CD101: variants seen among roughly 807,000 people sequenced by gnomAD.
CD101 encodes the protein immunoglobulin superfamily member 2.
Under a neutral mutation model 98.2 loss-of-function variants are expected in CD101, and 76 were observed. The ratio of observed to expected loss-of-function variants is 0.77; its 90% CI spans 0.64 to 0.94. The LOEUF (loss-of-function observed/expected upper bound fraction) is 0.94, where lower values mean the gene tolerates loss of function less well. CD101 is among the 40% of genes least tolerant of loss of function. The pLI is 0.00. For synonymous variants in CD101, 471 were observed against 472.7 expected (o/e 1.00, Z 0.05); for missense variants, 1,145 against 1,218.8 (o/e 0.94, Z 0.90).
rs1158933736 is a variant in CD101, at chr1:117,022,886, C to A, written c.2428+903C>A. On this transcript the variant is annotated intron_variant, in intron 7 of 9. Transcript: ENST00000682167. This position sits in a 1 kb window ranked among gnomAD's most constrained non-coding sequence, Gnocchi z 4.8. ...GGGGTCTCTTCCTGCCCTCTGGCTTCCCTTCTGTATGTTCTTCAAGCCCCT... is the reference window on the plus strand; with the variant it reads ...GGGGTCTCTTCCTGCCCTCTGGCTTACCTTCTGTATGTTCTTCAAGCCCCT... Among the ~76,000 whole-genome samples the A allele has an allele frequency of 6.6e-6, 1 of 152,170 alleles. No individual in the cohort carries two copies. The highest frequency in any genetic ancestry group is 1.5e-5 in the Non-Finnish European group (1 of 68,036).
rs1687603990 is a variant in CD101 at position 117,019,459 on chromosome 1, G to T, written c.2017+899G>T. ...GCTTAATTAATTTGTCCTCTCTGTGGTATTTGCAATTGCTGCCCCAATCTG... is the reference window on the plus strand; with the variant it reads ...GCTTAATTAATTTGTCCTCTCTGTGTTATTTGCAATTGCTGCCCCAATCTG... On this transcript the variant is annotated intron_variant, in intron 6 of 9. Transcript: ENST00000682167. The surrounding 1 kb of genome is among the most constrained non-coding windows in gnomAD (Gnocchi z 4.3). Among the ~76,000 whole-genome samples the T allele has an allele frequency of 2.0e-5, 3 of 152,140 alleles. No homozygotes were observed. Among genetic ancestry groups the T allele is most frequent in the East Asian group, 3.9e-4 (2 of 5,184 alleles).
chr1:117,030,308 G>A (rs760781832), intron 8 of CD101, among the ~76,000 whole-genome samples: 1 of 152,046 alleles, frequency 6.6e-6, no homozygotes, highest in Non-Finnish European at 1.5e-5. Context: ...CTTGAGTTTG[G>A]AGGTCAAGGC....
At position 117,018,544 on chromosome 1, in the gene CD101, A is replaced by G. The variant is rs747767182; in HGVS notation, c.2001A>G (p.Ile667Met). Residue 667 changes from isoleucine to methionine, a missense_variant, in exon 6 of 10, where the codon ATA becomes ATG. Ile to Met is a conservative substitution (Grantham distance 10, BLOSUM62 1). Transcript: ENST00000682167. The surrounding 1 kb of genome is among the most constrained non-coding windows in gnomAD (Gnocchi z 4.3). ...RASAISHPLR[I>M]AVTLPESKLK... ...CTGCCATCTCTCACCCACTGAGGATAGCCGTCACTTTACCAGGTAAGTGTG... is the reference window on the plus strand; with the variant it reads ...CTGCCATCTCTCACCCACTGAGGATGGCCGTCACTTTACCAGGTAAGTGTG... 10 of 1,592,670 alleles carry G rather than the reference A, an allele frequency of 6.3e-6. No homozygotes were observed. The highest frequency in any genetic ancestry group is 8.6e-6 in the Non-Finnish European group (10 of 1,167,170).
chr1:117,011,474 G>C (rs1652880563), intron 2 of CD101, 76 bp from the exon 3 acceptor site: 3 of 1,289,450 alleles, frequency 2.3e-6, no homozygotes, highest in South Asian at 1.4e-5. Flanking sequence ...ACATAGGGTA[G>C]CTCAGGGCGC....
intron 5 of CD101, 152 bp downstream of exon 5, chr1:117,017,625 A>G (rs1653320081): frequency 1.4e-6 from 1 of 739,896 alleles, no homozygotes; most frequent in South Asian, 2.1e-5. Flanking sequence ...CTGTCAATTA[A>G]TCTTTAAAGA....
rs762415594 is a variant in CD101, at chr1:117,019,634, C to T, written c.2017+1074C>T. 2.6e-5 allele frequency among the ~76,000 whole-genome samples: 4 copies of T among 152,172 alleles called. No individual in the cohort carries two copies. Among genetic ancestry groups the T allele is most frequent in the African/African-American group, 4.8e-5 (2 of 41,434 alleles). The stretch of plus-strand genomic sequence containing the variant: ...TCTATACGCTCTCCTGCAGTGGACT[C>T]GTCCCTACCCATGGATACAAGCTGT... On this transcript the variant is annotated intron_variant, in intron 6 of 9. Transcript: ENST00000682167. This position sits in a 1 kb window ranked among gnomAD's most constrained non-coding sequence, Gnocchi z 4.3.
At chr1:117,029,329 G>A (rs1023209656) in intron 8 of CD101, among the ~76,000 whole-genome samples, 10 of 152,104 alleles carry the variant, frequency 6.6e-5, no homozygotes, top group Non-Finnish European at 1.3e-4. Context: ...AAGAAAGAAA[G>A]AAGGAATGAA....
At position 117,005,813 on chromosome 1, in the gene CD101, T is replaced by A. The variant is rs1652492316; in HGVS notation, c.43+3953T>A. On this transcript the variant is annotated intron_variant, in intron 1 of 9. Transcript: ENST00000682167. This position sits in a 1 kb window ranked among gnomAD's most constrained non-coding sequence, Gnocchi z 4.4. ...TTTGGCATTTGCAGATCTATTAATATGTTCAAGTCTGGCTCAAATCCTAGG... is the reference window on the plus strand; with the variant it reads ...TTTGGCATTTGCAGATCTATTAATAAGTTCAAGTCTGGCTCAAATCCTAGG... Among the ~76,000 whole-genome samples the A allele has an allele frequency of 6.6e-6, 1 of 152,194 alleles. No individual in the cohort carries two copies. Among genetic ancestry groups the A allele is most frequent in the South Asian group, 2.1e-4 (1 of 4,836 alleles).
In CD101 at chr1:117,019,614, A is replaced by T. The variant is rs957278837; in HGVS notation, c.2017+1054A>T. Among the ~76,000 whole-genome samples, 2 of 152,122 alleles carry T rather than the reference A, an allele frequency of 1.3e-5. No homozygotes were observed. Among genetic ancestry groups the T allele is most frequent in the Non-Finnish European group, 2.9e-5 (2 of 68,034 alleles). ...TAGCTTTGTTCTCTTTTCATTCTATACGCTCTCCTGCAGTGGACTCGTCCC... is the reference window on the plus strand; with the variant it reads ...TAGCTTTGTTCTCTTTTCATTCTATTCGCTCTCCTGCAGTGGACTCGTCCC... On this transcript the variant is annotated intron_variant, in intron 6 of 9. Transcript: ENST00000682167. The surrounding 1 kb of genome is among the most constrained non-coding windows in gnomAD (Gnocchi z 4.3).
rs372695965 is a variant in CD101 at position 117,033,866 on chromosome 1, C to T, written c.2831C>T (p.Thr944Met). Reference sequence around the variant, plus strand: ...GTTTCTCCCTTCGTTGCAGAGCCCACGCTTCCTTCCAGGATCTGCTCCTCG... The same window carrying T: ...GTTTCTCCCTTCGTTGCAGAGCCCATGCTTCCTTCCAGGATCTGCTCCTCG... ...MVLTVLPSEP[T>M]LPSRICSSAP... The change falls in exon 9 of 10, where the codon ACG (threonine) becomes ATG (methionine). Residue 944 changes from threonine to methionine, a missense_variant. By Grantham distance (81) the Thr-to-Met change is moderately conservative. Coordinates refer to ENST00000682167, the MANE Select transcript of CD101 (RefSeq NM_001256106.3). The surrounding 1 kb of genome is among the most constrained non-coding windows in gnomAD (Gnocchi z 4.8). 59 of 1,614,058 alleles carry T rather than the reference C, an allele frequency of 3.7e-5. No individual in the cohort carries two copies. The highest frequency in any genetic ancestry group is 1.6e-4 in the Middle Eastern group (1 of 6,084).
Position 117,013,616 on chromosome 1 carries a change from A to C in CD101, c.1052A>C (p.Gln351Pro). 1 of 1,614,186 alleles carries C rather than the reference A, an allele frequency of 6.2e-7. No individual in the cohort carries two copies. Among genetic ancestry groups the C allele is most frequent in the South Asian group, 1.1e-5 (1 of 91,088 alleles). Reference sequence around the variant, plus strand: ...GAGAGAGCAAGTCAAGGAGAGCTCCAGGTTTCAAAGTTAGGCCCCAAGGCT... The same window carrying C: ...GAGAGAGCAAGTCAAGGAGAGCTCCCGGTTTCAAAGTTAGGCCCCAAGGCT... ...YKERASQGELQVSKLGPKAFS... is the reference protein window; with the variant it reads ...YKERASQGELPVSKLGPKAFS... Residue 351 changes from glutamine to proline, a missense_variant, in exon 4 of 10, where the codon CAG becomes CCG. Transcript: ENST00000682167.
chr1:117,029,218 A>G (rs1654224912), intron 8 of CD101, among the ~76,000 whole-genome samples: 3 of 19,440 alleles, frequency 1.5e-4, no homozygotes, highest in African/African-American at 9.6e-4. Context: ...GAAAGAAAAG[A>G]AAGAAAGAAA....
chr1:117,001,874 TC>T lies in CD101; in HGVS notation c.43+16del. The T allele has an allele frequency of 6.2e-7, 1 of 1,613,514 alleles. No homozygotes were observed. Among genetic ancestry groups the T allele is most frequent in the African/African-American group, 1.3e-5 (1 of 75,058 alleles). Reference sequence around the variant, plus strand: ...TTCTCCTTCTGAGTAAGTTTCATAATCCTTTATGTTTCTCTTGTCACAGGAG... The same window carrying T: ...TTCTCCTTCTGAGTAAGTTTCATAATCTTTATGTTTCTCTTGTCACAGGAG... On this transcript the variant is annotated intron_variant, in intron 1 of 9. Transcript: ENST00000682167.
At chr1:117,032,722 G>A (rs1370900621) in intron 8 of CD101, among the ~76,000 whole-genome samples, 2 of 152,178 alleles carry the variant, frequency 1.3e-5, no homozygotes, top group African/African-American at 2.4e-5. Context: ...ACTACATTTA[G>A]TAATTGGTCT....
rs542108295 is a variant in CD101 at position 117,024,334 on chromosome 1, A to G, written c.2429-1175A>G. Among the ~76,000 whole-genome samples the G allele has an allele frequency of 1.6e-4, 25 of 152,272 alleles. No homozygotes were observed. In the South Asian group the frequency reaches 3.7e-3, roughly 23 times the overall value. ...TCTACTAAAAATAAAAAAGTTAGCC[A>G]GGCATGGTGGCCCATGCCTGTAATC... On this transcript the variant is annotated intron_variant, in intron 7 of 9. Coordinates refer to ENST00000682167, the MANE Select transcript of CD101 (RefSeq NM_001256106.3).
At chr1:117,029,205 A>G (rs1654208462) in intron 8 of CD101, among the ~76,000 whole-genome samples, 2 of 66,032 alleles carry the variant, frequency 3.0e-5, no homozygotes, top group African/African-American at 1.4e-4. Flanking sequence ...GAAAGAAAGA[A>G]AAGAAAGAAA....
chr1:117,001,978 T>A, intron 1 of CD101, 118 bp downstream of exon 1: 6 of 931,280 alleles, frequency 6.4e-6, no homozygotes, highest in Non-Finnish European at 9.9e-6. Context: ...ATATTTCTGA[T>A]GTTAGCAATA....
chr1:117,015,427 A>C (rs1653142314), intron 4 of CD101, among the ~76,000 whole-genome samples: 1 of 138,982 alleles, frequency 7.2e-6, no homozygotes, highest in Admixed American at 7.5e-5. Context: ...TCCAATTTTG[A>C]AACTTCAGTT....
In CD101 at chr1:117,013,748, G is replaced by A. The variant is rs148714384; in HGVS notation, c.1184G>A (p.Arg395Lys). 5.6e-5 allele frequency: 91 copies of A among 1,613,438 alleles called. No individual in the cohort carries two copies. The highest frequency in any genetic ancestry group is 7.5e-5 in the Non-Finnish European group (89 of 1,179,962). Residue 395 changes from arginine (R) to lysine (K), a missense_variant, in exon 4 of 10, where the codon AGA becomes AAA. By Grantham distance (26) the Arg-to-Lys change is conservative. Coordinates refer to ENST00000682167, the MANE Select transcript of CD101 (RefSeq NM_001256106.3). ...ACAGGTTCCTGGCAGGTGCTTCAGA[G>A]AAAGCAGTCACCAGACAGCCACGTG... ...TRTGSWQVLQ[R>K]KQSPDSHVHL...
Sources: gnomAD v4.1 joint callset for allele counts (sites outside exome capture counted in the v4.1 genomes callset) on GRCh38, gnomAD v4.1.1 for gene constraint, Gnocchi (gnomAD v3.1) non-coding constraint, MANE v1.5 for transcripts, NCBI Gene and HGNC (gene_info 2026-07-23, HGNC 2026-07-21) for gene names.